The following PCDH15 variants were observed in gnomAD, a reference collection of about 807,000 sequenced individuals.
The protein encoded by PCDH15 is protocadherin related 15, also known as protocadherin-15.
PCDH15 carries 129 observed loss-of-function variants against 178.5 expected under a neutral mutation model. The ratio of observed to expected loss-of-function variants is 0.72; its 90% confidence interval spans 0.63 to 0.84. The LOEUF (loss-of-function observed/expected upper bound fraction) is 0.84, where lower values mean the gene tolerates loss of function less well. Among genes scored for constraint, PCDH15 ranks in the 40% least tolerant of loss-of-function variants. The pLI, the probability that PCDH15 is intolerant of heterozygous loss-of-function variation, is 0.00. For synonymous variants in PCDH15, 800 were observed against 732.0 expected (o/e 1.09, Z -1.50); for missense variants, 2,230 against 2,099.9 (o/e 1.06, Z -1.21).
In PCDH15 at chr10:54,262,708, G is replaced by A. The variant is rs553736340; in HGVS notation, c.877-25777C>T. ...CAGAATGCAGAGAAGAATGTGGTAT[G>A]GGTTCTCATGGGGCATGGGAGCTGG... On this transcript the variant is annotated intron_variant, in intron 8 of 37. Transcript: ENST00000644397. Among the ~76,000 whole-genome samples the A allele has an allele frequency of 2.1e-3, 169 of 78,696 alleles. 5 individuals are homozygous for A. In the South Asian group the frequency reaches 0.052, roughly 24 times the overall value. 51.6% of individuals were successfully genotyped at this position (78,696 alleles called of 152,430 possible). A position where few individuals can be genotyped will look rare whatever the true frequency, so the allele number is the denominator to read the frequency against.
Position 54,527,248 on chromosome 10 carries a change from G to T in PCDH15, c.157+564C>A, listed in dbSNP as rs1589902176. 3.9e-5 allele frequency among the ~76,000 whole-genome samples: 6 copies of T among 152,102 alleles called. No individual in the cohort carries two copies. In the East Asian group the frequency reaches 1.2e-3, roughly 29 times the overall value. On this transcript the variant is annotated intron_variant, in intron 3 of 37. Transcript: ENST00000644397. Reference sequence around the variant, plus strand: ...AAAAAGTTTTTCCAAAGAAGAACTTGGTATGAATTAGATATTAATTGTTAA... The same window carrying T: ...AAAAAGTTTTTCCAAAGAAGAACTTTGTATGAATTAGATATTAATTGTTAA...
intron 14 of PCDH15, among the ~76,000 whole-genome samples, chr10:54,151,382 T>G (rs1358348823): frequency 6.6e-6 from 1 of 151,960 alleles, no homozygotes; most frequent in Non-Finnish European, 1.5e-5. Flanking sequence ...TTCTACAAAT[T>G]TGTTTTTAAT....
intron 2 of PCDH15, among the ~76,000 whole-genome samples, chr10:55,033,206 G>C (rs548198684): frequency 6.6e-6 from 1 of 152,240 alleles, no homozygotes; most frequent in East Asian, 1.9e-4. Context: ...GTGCAGGAGG[G>C]GGCAGGGGGA....
chr10:54,736,206 C>G (rs1048363666), intron 1 of PCDH15, among the ~76,000 whole-genome samples: 1 of 151,934 alleles, frequency 6.6e-6, no homozygotes, highest in Admixed American at 6.6e-5. Flanking sequence ...CATTATTTCT[C>G]TAAAAAACAG....
intron 2 of PCDH15, among the ~76,000 whole-genome samples, chr10:55,387,200 C>A (rs1351243272): frequency 6.6e-6 from 1 of 152,038 alleles, no homozygotes; most frequent in African/African-American, 2.4e-5. Flanking sequence ...TGGATATTTT[C>A]ATGGCTGAAT....
chr10:54,276,672 A>G (rs929012102), intron 8 of PCDH15, among the ~76,000 whole-genome samples: 2 of 42,248 alleles, frequency 4.7e-5, no homozygotes, highest in African/African-American at 1.2e-4. Flanking sequence ...TTAAAATTCA[A>G]TTAAAGATTA....
At chr10:54,986,851 G>A (rs1839380184) in intron 2 of PCDH15, among the ~76,000 whole-genome samples, 1 of 152,070 alleles carries the variant, frequency 6.6e-6, no homozygotes, top group South Asian at 2.1e-4. Context: ...GCCATCCCTA[G>A]AGTTATCAAG....
At chr10:55,018,196 A>G (rs1255319815) in intron 2 of PCDH15, among the ~76,000 whole-genome samples, 3 of 152,026 alleles carry the variant, frequency 2.0e-5, no homozygotes, top group Non-Finnish European at 4.4e-5. Flanking sequence ...ATTGCAGTAT[A>G]ATCTGGAAAA....
At chr10:55,602,094 A>AGTTC (rs1463364877) in intron 2 of PCDH15, among the ~76,000 whole-genome samples, 3 of 152,092 alleles carry the variant, frequency 2.0e-5, no homozygotes, top group African/African-American at 7.2e-5. Flanking sequence ...GGGGTCAGGG[A>AGTTC]GTTCCCTTTC....
intron 2 of PCDH15, among the ~76,000 whole-genome samples, chr10:54,972,470 G>GAGA (rs1838958838): frequency 6.6e-6 from 1 of 151,592 alleles, no homozygotes; most frequent in African/African-American, 2.4e-5. Flanking sequence ...AACCTGGGAG[G>GAGA]CGGAGGTTGT....
At position 54,440,632 on chromosome 10, in the gene PCDH15, T is replaced by C. The variant is rs1286125752; in HGVS notation, c.158-61690A>G. 3.9e-5 allele frequency among the ~76,000 whole-genome samples: 6 copies of C among 152,010 alleles called. No individual in the cohort carries two copies. The East Asian group carries it at 1.2e-3, about 29-fold the overall frequency. On this transcript the variant is annotated intron_variant, in intron 3 of 37. Transcript: ENST00000644397. ...TGAACCATACATGTTTATTAGAAAA[T>C]TATTTTATATAGGTTGTCCATTAAA...
At chr10:55,255,367 G>C (rs535402714) in intron 1 of PCDH15, among the ~76,000 whole-genome samples, 8 of 152,168 alleles carry the variant, frequency 5.3e-5, no homozygotes, top group South Asian at 2.1e-4. Flanking sequence ...GGACATTTGG[G>C]TTGGTTCCAA....
At chr10:54,850,339 A>G (rs1324867005) in intron 3 of PCDH15, among the ~76,000 whole-genome samples, 1 of 152,048 alleles carries the variant, frequency 6.6e-6, no homozygotes, top group Non-Finnish European at 1.5e-5. Flanking sequence ...ATTTTGTTAC[A>G]CGAGTAAGTT....
intron 2 of PCDH15, among the ~76,000 whole-genome samples, chr10:55,505,635 A>T (rs1366895360): frequency 6.6e-6 from 1 of 151,400 alleles, no homozygotes; most frequent in East Asian, 1.9e-4. Context: ...GAGAATTTAA[A>T]TTCAGTTTAT....
At chr10:55,064,502 T>C (rs1841513378) in intron 2 of PCDH15, among the ~76,000 whole-genome samples, 3 of 152,106 alleles carry the variant, frequency 2.0e-5, no homozygotes, top group African/African-American at 7.2e-5. Flanking sequence ...ATAATCTCTA[T>C]TATATGCTGA....
intron 2 of PCDH15, among the ~76,000 whole-genome samples, chr10:55,396,501 C>T (rs942077498): frequency 5.3e-5 from 8 of 152,218 alleles, no homozygotes; most frequent in South Asian, 2.1e-4. Flanking sequence ...AGGTGACATC[C>T]GATAGGCTGT....
intron 8 of PCDH15, among the ~76,000 whole-genome samples, chr10:54,300,916 T>G (rs537803748): frequency 6.6e-5 from 10 of 152,186 alleles, no homozygotes; most frequent in Non-Finnish European, 1.5e-4. Flanking sequence ...TGGGTCCCCT[T>G]GCACACTGTG....
intron 9 of PCDH15, among the ~76,000 whole-genome samples, chr10:54,229,231 A>C (rs1053682487): frequency 6.6e-6 from 1 of 152,204 alleles, no homozygotes; most frequent in African/African-American, 2.4e-5. Flanking sequence ...AAATAAAGTC[A>C]GACTGACAAT....
chr10:54,424,831 G>T (rs1490540434), intron 3 of PCDH15, among the ~76,000 whole-genome samples: 1 of 143,048 alleles, frequency 7.0e-6, no homozygotes, highest in Non-Finnish European at 1.5e-5. Flanking sequence ...GACACAGGAA[G>T]GGGAACATCA....
Sources: gnomAD v4.1 joint callset for allele counts (sites outside exome capture counted in the v4.1 genomes callset) on GRCh38, gnomAD v4.1.1 for gene constraint, MANE v1.5 for transcripts, NCBI Gene and HGNC (gene_info 2026-07-23, HGNC 2026-07-21) for gene names.